The following RBFOX1 variants were observed in gnomAD, a reference collection of about 807,000 sequenced individuals.
The protein encoded by RBFOX1 is RNA binding fox-1 homolog 1, also known as RNA binding protein fox-1 homolog 1.
A neutral mutation model predicts 57.7 loss-of-function variants in RBFOX1; 8 were observed. That is an observed-to-expected ratio of 0.14 (90% CI 0.08 to 0.25). The LOEUF (loss-of-function observed/expected upper bound fraction) is 0.25. Ranked by LOEUF, RBFOX1 falls within the 10% of genes least tolerant of loss-of-function variation. The probability of loss-of-function intolerance (pLI) is 1.00; values close to 1 mark genes in which losing one functional copy is unlikely to be tolerated. For synonymous variants in RBFOX1, 326 were observed against 222.4 expected, an observed-to-expected ratio of 1.47 and a Z score of -4.15; for missense variants, 611 against 548.5, an observed-to-expected ratio of 1.11 and a Z score of -1.14.
intron 4 of RBFOX1, among the ~76,000 whole-genome samples, chr16:5,976,706 T>C (rs570820894): frequency 1.3e-5 from 2 of 152,248 alleles, no homozygotes; most frequent in Non-Finnish European, 2.9e-5. Context: ...TTGTTTCTAC[T>C]AAAAATACAA....
chr16:6,043,361 C>T (rs926813158), intron 1 of RBFOX1, among the ~76,000 whole-genome samples: 3 of 152,064 alleles, frequency 2.0e-5, no homozygotes, highest in Non-Finnish European at 4.4e-5. Context: ...GACAGCTTTG[C>T]AGGGTCATTT....
At chr16:5,744,033 C>G (rs1471278636) in intron 3 of RBFOX1, among the ~76,000 whole-genome samples, 1 of 152,144 alleles carries the variant, frequency 6.6e-6, no homozygotes, top group Non-Finnish European at 1.5e-5. Context: ...CTGGAGAGCT[C>G]CTTCTTCATC....
intron 3 of RBFOX1, among the ~76,000 whole-genome samples, chr16:5,777,218 C>CAGCT (rs1302863676): frequency 6.6e-6 from 1 of 152,138 alleles, no homozygotes. Context: ...TTGCCTTTTC[C>CAGCT]AGCTGCAAGA....
intron 4 of RBFOX1, among the ~76,000 whole-genome samples, chr16:7,059,468 G>T (rs536410628): frequency 6.6e-6 from 1 of 152,170 alleles, no homozygotes; most frequent in Non-Finnish European, 1.5e-5. Context: ...ACTAAAACTT[G>T]CACCACTCTT....
intron 4 of RBFOX1, among the ~76,000 whole-genome samples, chr16:7,161,547 A>T (rs919119781): frequency 5.3e-5 from 8 of 152,178 alleles, no homozygotes; most frequent in African/African-American, 1.9e-4. Context: ...AGAGAGGTAC[A>T]TGTCAGTGAA....
At chr16:6,820,622 A>G (rs2091109939) in intron 3 of RBFOX1, among the ~76,000 whole-genome samples, 1 of 152,064 alleles carries the variant, frequency 6.6e-6, no homozygotes, top group Admixed American at 6.6e-5. Context: ...TCACACTACT[A>G]CAGTCCAGCC....
intron 1 of RBFOX1, among the ~76,000 whole-genome samples, chr16:5,375,816 C>G (rs2065970226): frequency 6.6e-6 from 1 of 152,180 alleles, no homozygotes; most frequent in African/African-American, 2.4e-5. Context: ...TGTTGTTAAA[C>G]TAACTAAAGG....
intron 1 of RBFOX1, among the ~76,000 whole-genome samples, chr16:6,089,065 CAAAA>C (rs5815283): frequency 2.4e-4 from 33 of 138,192 alleles, no homozygotes; most frequent in Non-Finnish European, 3.6e-4. Flanking sequence ...AACTCTGTCT[CAAAA>C]AAAAAAAAAA....
At chr16:6,130,932 A>G (rs1394636782) in intron 1 of RBFOX1, among the ~76,000 whole-genome samples, 1 of 152,186 alleles carries the variant, frequency 6.6e-6, no homozygotes, top group African/African-American at 2.4e-5. Context: ...GTTGTAGACA[A>G]ATTTGCAATC....
At chr16:7,380,247 C>G (rs907618173) in intron 4 of RBFOX1, among the ~76,000 whole-genome samples, 4 of 152,142 alleles carry the variant, frequency 2.6e-5, no homozygotes, top group Admixed American at 1.3e-4. Flanking sequence ...TAGAAAATAA[C>G]CATCTTCACC....
intron 4 of RBFOX1, among the ~76,000 whole-genome samples, chr16:7,489,801 G>A (rs950015014): frequency 6.6e-6 from 1 of 151,810 alleles, no homozygotes; most frequent in Admixed American, 6.6e-5. Flanking sequence ...GATTACAGGT[G>A]TGAGCCACCA....
intron 2 of RBFOX1, among the ~76,000 whole-genome samples, chr16:6,411,473 C>G (rs578168914): frequency 1.8e-4 from 27 of 152,274 alleles, no homozygotes; most frequent in African/African-American, 6.0e-4. Flanking sequence ...GTGATAATTT[C>G]TGGATTTCTC....
intron 3 of RBFOX1, among the ~76,000 whole-genome samples, chr16:6,834,671 T>C (rs758103366): frequency 2.0e-5 from 3 of 152,294 alleles, no homozygotes; most frequent in Admixed American, 6.5e-5. Context: ...ATAAGAATTA[T>C]AAAATTTAGA....
intron 2 of RBFOX1, among the ~76,000 whole-genome samples, chr16:6,456,239 T>G (rs1005191692): frequency 5.3e-5 from 8 of 152,146 alleles, no homozygotes; most frequent in African/African-American, 1.9e-4. Context: ...GAATTGTGTA[T>G]TTTTAGAAAA....
intron 3 of RBFOX1, among the ~76,000 whole-genome samples, chr16:5,620,009 G>C (rs1596480225): frequency 6.7e-6 from 1 of 149,460 alleles, no homozygotes; most frequent in Non-Finnish European, 1.5e-5. Context: ...AAGAAAGAAA[G>C]AAAAGTCTCA....
intron 1 of RBFOX1, among the ~76,000 whole-genome samples, chr16:6,100,982 C>G (rs1163233624): frequency 6.6e-6 from 1 of 152,120 alleles, no homozygotes; most frequent in Non-Finnish European, 1.5e-5. Context: ...TTGTCAGCCT[C>G]CTATTCTAAA....
intron 1 of RBFOX1, among the ~76,000 whole-genome samples, chr16:6,079,398 ACCT>A (rs1372436802): frequency 6.6e-6 from 1 of 152,072 alleles, no homozygotes; most frequent in African/African-American, 2.4e-5. Context: ...TGCAGCCTTG[ACCT>A]CCTGGCCTCA....
chr16:7,183,207 G>C (rs1212177519), intron 4 of RBFOX1, among the ~76,000 whole-genome samples: 1 of 152,182 alleles, frequency 6.6e-6, no homozygotes, highest in African/African-American at 2.4e-5. Flanking sequence ...CTGGCTGCCT[G>C]TGTCTGAAGG....
intron 1 of RBFOX1, among the ~76,000 whole-genome samples, chr16:6,039,478 A>C (rs1234070681): frequency 6.6e-6 from 1 of 152,074 alleles, no homozygotes; most frequent in Non-Finnish European, 1.5e-5. Context: ...TTCTATGAGG[A>C]GGGCACATGA....
Sources: allele counts gnomAD v4.1 joint callset (sites outside exome capture counted in the v4.1 genomes callset), GRCh38; gene constraint gnomAD v4.1.1; transcripts MANE v1.5; gene names NCBI Gene and HGNC (gene_info 2026-07-23, HGNC 2026-07-21).